The following ACTN4 variants were observed in gnomAD, a reference collection of about 807,000 sequenced individuals.
ACTN4 encodes the protein actinin alpha 4, also known as alpha-actinin-4.
ACTN4 carries 18 observed loss-of-function variants against 114.2 expected under a neutral mutation model. The ratio of observed to expected loss-of-function variants is 0.16; its 90% confidence interval spans 0.11 to 0.23. The LOEUF is 0.23. Among genes scored for constraint, ACTN4 ranks in the 10% least tolerant of loss-of-function variants. The pLI is 1.00. For missense variants in ACTN4, 722 were observed against 1,262.9 expected (o/e 0.57, Z 6.49); for synonymous variants, 515 against 506.3 (o/e 1.02, Z -0.23).
intron 1 of ACTN4, among the ~76,000 whole-genome samples, chr19:38,697,381 G>A (rs1447777527): frequency 6.6e-6 from 1 of 152,250 alleles, no homozygotes; most frequent in African/African-American, 2.4e-5. Context: ...ACACACATGC[G>A]TGTGATTCAT....
At position 38,721,632 on chromosome 19, in the gene ACTN4, C is replaced by T. The variant is rs550659042; in HGVS notation, c.1386C>T (p.Asp462=). 3 of 1,614,050 alleles carry T rather than the reference C, an allele frequency of 1.9e-6. No homozygotes were observed. Among genetic ancestry groups the T allele is most frequent in the East Asian group, 2.2e-5 (1 of 44,888 alleles). The change falls in exon 12 of 21, where the codon GAC becomes GAT. Residue 462 remains aspartate, a synonymous_variant. Coordinates refer to ENST00000252699, the MANE Select transcript of ACTN4 (RefSeq NM_004924.6). ...GCAAGCACGAGGCCTTCGAGAGCGA[C>T]CTGGCTGCGCACCAGGACCGCGTGG... The part of the protein sequence containing the change: ...LIRKHEAFES[D]LAAHQDRVEQ...
intron 1 of ACTN4, among the ~76,000 whole-genome samples, chr19:38,696,831 G>A (rs1264741977): frequency 4.6e-5 from 7 of 152,208 alleles, no homozygotes; most frequent in Non-Finnish European, 1.0e-4. Context: ...CAGGCCAGGC[G>A]AGTGGGCATC....
At chr19:38,693,396 C>T (rs1009336511) in intron 1 of ACTN4, 2 of 152,486 alleles carry the variant, frequency 1.3e-5, no homozygotes, top group African/African-American at 4.8e-5. Flanking sequence ...CCCTTCAGTT[C>T]TGAGAACATG....
chr19:38,672,817 C>T (rs1273397851), intron 1 of ACTN4, among the ~76,000 whole-genome samples: 1 of 152,140 alleles, frequency 6.6e-6, no homozygotes, highest in Non-Finnish European at 1.5e-5. Context: ...AAGTGATCCA[C>T]CTGCCTTGGC....
chr19:38,665,673 C>T (rs2144863610), intron 1 of ACTN4, among the ~76,000 whole-genome samples: 1 of 152,332 alleles, frequency 6.6e-6, no homozygotes, highest in South Asian at 2.1e-4. Flanking sequence ...CTCTCCCCAG[C>T]CCCTGCATCC....
In ACTN4 at chr19:38,672,216, G is replaced by A. The variant is rs1407934927; in HGVS notation, c.162+24309G>A. ...TCCTGCCAGACGTATGGCCCACACA[G>A]CAGTATTTCTTACATGTGGTTCTTT... On this transcript the variant is annotated intron_variant, in intron 1 of 20. Coordinates refer to ENST00000252699, the MANE Select transcript of ACTN4 (RefSeq NM_004924.6). Among the ~76,000 whole-genome samples the A allele has an allele frequency of 2.7e-5, 4 of 150,798 alleles. No individual in the cohort carries two copies. In the South Asian group the frequency reaches 6.3e-4, roughly 24 times the overall value.
intron 12 of ACTN4, chr19:38,721,912 C>G (rs1433999831): frequency 1.5e-6 from 1 of 671,550 alleles, no homozygotes; most frequent in Non-Finnish European, 2.6e-6. Flanking sequence ...TTTGGATTCT[C>G]TAGCAGGAGG....
intron 1 of ACTN4, among the ~76,000 whole-genome samples, chr19:38,663,900 C>T (rs565149119): frequency 6.6e-6 from 1 of 152,320 alleles, no homozygotes; most frequent in African/African-American, 2.4e-5. Flanking sequence ...ATGTTTTCAG[C>T]CTGCTGATGG....
Position 38,729,385 on chromosome 19 carries a change from G to A in ACTN4, c.2689G>A (p.Asp897Asn), listed in dbSNP as rs774994665. Residue 897 changes from aspartate (D) to asparagine (N), a missense_variant, in exon 21 of 21, where the codon GAC becomes AAC. Physicochemically the swap from Asp to Asn is conservative, Grantham distance 23. Around this residue, in one of 3 missense-constraint regions of ACTN4, gnomAD observed 523 missense variants for 875.9 expected, o/e 0.60. Transcript: ENST00000252699. ...QGPDAVPGAL[D>N]YKSFSTALYG... ...CCCTGACGCCGTGCCCGGTGCCCTC[G>A]ACTACAAGTCCTTCTCCACGGCCTT... is the stretch of plus-strand genomic sequence containing the variant. 2.9e-5 allele frequency: 46 copies of A among 1,612,602 alleles called. No individual in the cohort carries two copies. The highest frequency in any genetic ancestry group is 4.5e-5 in the East Asian group (2 of 44,858).
At chr19:38,670,536 C>T (rs1967095641) in intron 1 of ACTN4, among the ~76,000 whole-genome samples, 1 of 152,042 alleles carries the variant, frequency 6.6e-6, no homozygotes, top group Non-Finnish European at 1.5e-5. Context: ...CTGGGGTGGC[C>T]ACTGCAGAGC....
intron 1 of ACTN4, among the ~76,000 whole-genome samples, chr19:38,673,517 TTATATATATTC>T (rs1967219759): frequency 3.7e-5 from 3 of 80,390 alleles, no homozygotes; most frequent in African/African-American, 8.4e-5. Flanking sequence ...GAATATATAT[TTATATATATTC>T]ATATATACTT....
intron 1 of ACTN4, among the ~76,000 whole-genome samples, chr19:38,662,932 G>T (rs1319354469): frequency 4.0e-5 from 6 of 150,356 alleles, no homozygotes; most frequent in Non-Finnish European, 8.9e-5. Context: ...TTTAAAGACA[G>T]AGTTTCCCTC....
At chr19:38,697,684 C>A (rs1029542488) in intron 1 of ACTN4, among the ~76,000 whole-genome samples, 11 of 152,234 alleles carry the variant, frequency 7.2e-5, no homozygotes, top group Admixed American at 3.9e-4. Context: ...TCCCTGCAGC[C>A]CAGGTGCCTA....
chr19:38,709,773 A>G (rs1968581746), intron 7 of ACTN4, among the ~76,000 whole-genome samples: 2 of 152,202 alleles, frequency 1.3e-5, no homozygotes, highest in Admixed American at 1.3e-4. Flanking sequence ...GGGCCCAGGA[A>G]GGGCAAGGTG....
intron 3 of ACTN4, among the ~76,000 whole-genome samples, chr19:38,703,124 C>G (rs1265003453): frequency 1.3e-5 from 2 of 152,188 alleles, no homozygotes; most frequent in East Asian, 3.8e-4. Flanking sequence ...TGCCTTCTCT[C>G]ACCCAGCCGC....
intron 11 of ACTN4, among the ~76,000 whole-genome samples, chr19:38,719,051 G>A (rs1482822584): frequency 6.6e-6 from 1 of 152,206 alleles, no homozygotes; most frequent in Non-Finnish European, 1.5e-5. Flanking sequence ...CCCTGCAGGA[G>A]CGCCACTGTG....
At chr19:38,671,025 C>G (rs954816001) in intron 1 of ACTN4, among the ~76,000 whole-genome samples, 2 of 151,996 alleles carry the variant, frequency 1.3e-5, no homozygotes, top group Non-Finnish European at 2.9e-5. Context: ...GACCCTGTCT[C>G]TGCCTCTCCT....
chr19:38,724,069 G>A lies in ACTN4; in HGVS notation c.1684G>A (p.Glu562Lys). The A allele has an allele frequency of 6.2e-7, 1 of 1,613,764 alleles. No homozygotes were observed. The highest frequency in any genetic ancestry group is 8.5e-7 in the Non-Finnish European group (1 of 1,180,004). The change falls in exon 14 of 21, where the codon GAG (glutamate) becomes AAG (lysine). Residue 562 changes from glutamate to lysine, a missense_variant. This residue lies in a region of ACTN4 where 523 missense variants were observed against 875.9 expected (regional missense o/e 0.60). Transcript: ENST00000252699. The surrounding 1 kb of genome is among the most constrained non-coding windows in gnomAD (Gnocchi z 7.0). The stretch of plus-strand genomic sequence containing the variant: ...CATGTTCATCGTCCATACCATCGAG[G>A]AGATTGAGGTTCGCACCCCCCGGCC... The part of the protein sequence containing the change: ...QDMFIVHTIE[E>K]IEGLISAHDQ...
chr19:38,698,011 G>C (rs1038174194), intron 1 of ACTN4, among the ~76,000 whole-genome samples: 2 of 152,236 alleles, frequency 1.3e-5, no homozygotes, highest in African/African-American at 4.8e-5. Flanking sequence ...CATGGTAGGA[G>C]AGAAAGCTCA....
Sources: gnomAD v4.1 joint callset for allele counts (sites outside exome capture counted in the v4.1 genomes callset) on GRCh38, gnomAD v4.1.1 for gene constraint, gnomAD v4.1.1 regional missense constraint, Gnocchi (gnomAD v3.1) non-coding constraint, MANE v1.5 for transcripts, NCBI Gene and HGNC (gene_info 2026-07-23, HGNC 2026-07-21) for gene names.